HIP1: variants seen among roughly 807,000 people sequenced by gnomAD.
HIP1 encodes the protein huntingtin interacting protein 1.
A neutral mutation model predicts 147.6 loss-of-function variants in HIP1; 65 were observed. The observed-to-expected ratio is 0.44, with a 90% CI of 0.36 to 0.54. The LOEUF (loss-of-function observed/expected upper bound fraction) is 0.54, where lower values mean the gene tolerates loss of function less well. HIP1 is among the 20% of genes least tolerant of loss of function. The pLI is 0.00. For missense variants in HIP1, 1,061 were observed against 1,299.6 expected (o/e 0.82, Z 2.82); for synonymous variants, 479 against 504.0 (o/e 0.95, Z 0.67).
chr7:75,606,129 G>A (rs1797214140), intron 1 of HIP1, among the ~76,000 whole-genome samples: 1 of 152,146 alleles, frequency 6.6e-6, no homozygotes, highest in East Asian at 1.9e-4. Flanking sequence ...GCTTATAGGT[G>A]TGAGACACCA....
intron 1 of HIP1, among the ~76,000 whole-genome samples, chr7:75,637,582 A>T (rs1029869549): frequency 3.2e-5 from 4 of 126,390 alleles, no homozygotes; most frequent in Admixed American, 1.0e-4. Context: ...GTTCTAATAC[A>T]TGCCCAAAGA....
chr7:75,616,220 G>A (rs1563247651), intron 1 of HIP1, among the ~76,000 whole-genome samples: 1 of 152,052 alleles, frequency 6.6e-6, no homozygotes, highest in East Asian at 1.9e-4. Context: ...CCGCCCACCA[G>A]CCAAACCTGG....
chr7:75,563,232 G>C lies in HIP1; in HGVS notation c.835C>G (p.Leu279Val). Residue 279 changes from leucine (L) to valine (V), a missense_variant, in exon 10 of 31, where the codon CTG (leucine) becomes GTG (valine). This residue lies in a region of HIP1 where 810 missense variants were observed against 946.8 expected (regional missense o/e 0.86). Coordinates refer to ENST00000336926, the MANE Select transcript of HIP1 (RefSeq NM_005338.7). ...TGAATGAGCCGCTTGAAGTACTGCAGGTTGCTGGAGCGGTAGAACAGATCT... is the reference window on the plus strand; with the variant it reads ...TGAATGAGCCGCTTGAAGTACTGCACGTTGCTGGAGCGGTAGAACAGATCT... ...LKDLFYRSSN[L>V]QYFKRLIQIP... The C allele has an allele frequency of 1.2e-6, 2 of 1,614,228 alleles. No individual in the cohort carries two copies. The highest frequency in any genetic ancestry group is 1.7e-6 in the Non-Finnish European group (2 of 1,180,032).
At chr7:75,597,498 G>A (rs1380032903) in intron 2 of HIP1, among the ~76,000 whole-genome samples, 3 of 152,116 alleles carry the variant, frequency 2.0e-5, no homozygotes, top group Non-Finnish European at 4.4e-5. Flanking sequence ...CCAGCACTTT[G>A]GGAGGCCAAG....
chr7:75,544,832 C>A, intron 26 of HIP1, 32 bp from the exon 27 acceptor site: 1 of 1,371,772 alleles, frequency 7.3e-7, no homozygotes, highest in Non-Finnish European at 1.0e-6. Flanking sequence ...GACTAGGTTA[C>A]GGGCAAATGA....
chr7:75,689,022 G>A (rs1421084009), intron 1 of HIP1, among the ~76,000 whole-genome samples: 2 of 152,056 alleles, frequency 1.3e-5, no homozygotes, highest in Non-Finnish European at 2.9e-5. Flanking sequence ...CAGAGTGTAC[G>A]CCCAAAGAGA....
Position 75,568,305 on chromosome 7 carries a change from G to C in HIP1, c.746-49C>G. 1.5e-6 allele frequency: 2 copies of C among 1,300,882 alleles called. No individual in the cohort carries two copies. Among genetic ancestry groups the C allele is most frequent in the Non-Finnish European group, 2.2e-6 (2 of 894,360 alleles). The allele number at this position is 1,300,882 out of a possible 1,614,324, so 80.6% of individuals were successfully genotyped here. On this transcript the variant is annotated intron_variant, in intron 8 of 30. Transcript: ENST00000336926. This position sits in a 1 kb window ranked among gnomAD's most constrained non-coding sequence, Gnocchi z 4.1. ...GAGAGGGGAGGGGGACCAGAGGGCA[G>C]GGAAGCCACAGCGGGGCTCTCGAGG... is the stretch of plus-strand genomic sequence containing the variant.
chr7:75,737,803 C>T (rs1217461846), intron 1 of HIP1, among the ~76,000 whole-genome samples: 9 of 152,154 alleles, frequency 5.9e-5, no homozygotes, highest in Non-Finnish European at 8.8e-5. Context: ...GAGAGGGGGA[C>T]CCAAATGGAT....
At position 75,536,677 on chromosome 7, in the gene HIP1, GCT is replaced by G. The variant is rs1336239345; in HGVS notation, c.*1493_*1494del. The G allele has an allele frequency of 6.1e-5, 14 of 228,880 alleles. No individual in the cohort carries two copies. Among genetic ancestry groups the G allele is most frequent in the African/African-American group, 2.9e-4 (13 of 45,216 alleles). The allele number at this position is 228,880 out of a possible 1,614,324, so 14.2% of individuals were successfully genotyped here. ...TGGCTGAAAGGAGTTGGAGCCGCTG[GCT>G]CTGTCCTTTCTCATTTTCTCTGACC... On this transcript the variant is annotated 3_prime_UTR_variant, in exon 31 of 31. Coordinates refer to ENST00000336926, the MANE Select transcript of HIP1 (RefSeq NM_005338.7).
chr7:75,585,568 C>G (rs926039254), intron 5 of HIP1, among the ~76,000 whole-genome samples: 1 of 151,870 alleles, frequency 6.6e-6, no homozygotes, highest in South Asian at 2.1e-4. Flanking sequence ...ACGCTACAAG[C>G]CCCCTCCCCT....
intron 1 of HIP1, among the ~76,000 whole-genome samples, chr7:75,648,486 G>A (rs951153228): frequency 1.4e-4 from 22 of 152,136 alleles, no homozygotes; most frequent in Non-Finnish European, 2.9e-5. Context: ...TCCTGACACT[G>A]CTGTTGCCCC....
chr7:75,576,219 A>G (rs1795841425), intron 7 of HIP1, among the ~76,000 whole-genome samples: 1 of 152,204 alleles, frequency 6.6e-6, no homozygotes, highest in Non-Finnish European at 1.5e-5. Context: ...CATACCTCGT[A>G]AGGGTCTCAG....
intron 1 of HIP1, among the ~76,000 whole-genome samples, chr7:75,636,150 T>G (rs938933369): frequency 6.6e-6 from 1 of 151,698 alleles, no homozygotes; most frequent in South Asian, 2.1e-4. Context: ...GAGACCAGCC[T>G]GGCCAACATG....
At chr7:75,692,259 A>C (rs1239037516) in intron 1 of HIP1, among the ~76,000 whole-genome samples, 2 of 150,652 alleles carry the variant, frequency 1.3e-5, no homozygotes, top group Non-Finnish European at 2.9e-5. Flanking sequence ...TTCTTTAATT[A>C]TTTATTGATT....
At chr7:75,710,748 G>A (rs1310006120) in intron 1 of HIP1, among the ~76,000 whole-genome samples, 1 of 152,032 alleles carries the variant, frequency 6.6e-6, no homozygotes, top group Non-Finnish European at 1.5e-5. Context: ...TGGGCAATAC[G>A]GTGAGACTCT....
intron 1 of HIP1, among the ~76,000 whole-genome samples, chr7:75,726,135 C>T (rs1801643346): frequency 6.6e-6 from 1 of 152,120 alleles, no homozygotes; most frequent in Non-Finnish European, 1.5e-5. Context: ...TGAGCCACCG[C>T]GCCCAGCTGT....
At chr7:75,678,679 G>C (rs895137225) in intron 1 of HIP1, among the ~76,000 whole-genome samples, 3 of 152,084 alleles carry the variant, frequency 2.0e-5, no homozygotes, top group African/African-American at 7.2e-5. Flanking sequence ...AGGGCACCAG[G>C]CACAGCTGAA....
intron 22 of HIP1, among the ~76,000 whole-genome samples, chr7:75,552,627 G>A (rs1337616327): frequency 1.3e-5 from 2 of 152,190 alleles, no homozygotes; most frequent in African/African-American, 4.8e-5. Flanking sequence ...AAAGTGCAGG[G>A]ATTACAGGTG....
intron 2 of HIP1, among the ~76,000 whole-genome samples, chr7:75,595,090 T>C (rs939875402): frequency 2.6e-5 from 4 of 152,152 alleles, no homozygotes; most frequent in Admixed American, 6.5e-5. Flanking sequence ...GAAGATACCA[T>C]AAAGCTCCTT....
Sources: gnomAD v4.1 joint callset for allele counts (sites outside exome capture counted in the v4.1 genomes callset) on GRCh38, gnomAD v4.1.1 for gene constraint, gnomAD v4.1.1 regional missense constraint, Gnocchi (gnomAD v3.1) non-coding constraint, MANE v1.5 for transcripts, NCBI Gene and HGNC (gene_info 2026-07-23, HGNC 2026-07-21) for gene names.